Variants in LURAP1L observed in about 807,000 individuals in gnomAD.
LURAP1L encodes the protein leucine rich adaptor protein 1-like.
A neutral mutation model predicts 13.8 loss-of-function variants in LURAP1L; 12 were observed. That is an observed-to-expected ratio of 0.87 (90% CI 0.56 to 1.41). LURAP1L has a LOEUF of 1.41. LURAP1L is among the 40% of genes most tolerant of loss of function. The probability of loss-of-function intolerance (pLI) is 0.00; values close to 1 mark genes in which losing one functional copy is unlikely to be tolerated. For synonymous variants in LURAP1L, 139 were observed against 119.2 expected (o/e 1.17, Z -1.08); for missense variants, 375 against 292.9 (o/e 1.28, Z -2.04).
Position 12,783,843 on chromosome 9 carries a change from A to C in LURAP1L, c.312+7816A>C, listed in dbSNP as rs530602933. Among the ~76,000 whole-genome samples the C allele has an allele frequency of 2.2e-5, 3 of 136,748 alleles. No homozygotes were observed. In the South Asian group the frequency reaches 6.9e-4, roughly 31 times the overall value. 89.7% of individuals were successfully genotyped at this position (136,748 alleles called of 152,430 possible). A position where few individuals can be genotyped will look rare whatever the true frequency, so the allele number is the denominator to read the frequency against. ...GGTCCTGGGCTTTTTTTTTTTTTTT[A>C]ATAATTTTGCATGCTTCATTCTTTT... On this transcript the variant is annotated intron_variant, in intron 1 of 1. Transcript: ENST00000319264.
chr9:12,799,873 CAAAAAA>C (rs58987082), intron 1 of LURAP1L, among the ~76,000 whole-genome samples: 1 of 82,528 alleles, frequency 1.2e-5, no homozygotes, highest in South Asian at 5.2e-4. Context: ...GACTCCGTCT[CAAAAAA>C]AAAAAAAAAA....
intron 1 of LURAP1L, among the ~76,000 whole-genome samples, chr9:12,800,678 T>G (rs1819573301): frequency 6.6e-6 from 1 of 152,342 alleles, no homozygotes; most frequent in African/African-American, 2.4e-5. Context: ...AAATAATGTC[T>G]GTATGATAGT....
At chr9:12,777,164 A>G in intron 1 of LURAP1L, 3 of 788,620 alleles carry the variant, frequency 3.8e-6, no homozygotes, top group Non-Finnish European at 4.6e-6. Context: ...TTTAGTTATT[A>G]TAGAGTTCTA....
chr9:12,781,425 C>G (rs903930266), intron 1 of LURAP1L, among the ~76,000 whole-genome samples: 3 of 151,964 alleles, frequency 2.0e-5, no homozygotes, highest in African/African-American at 7.3e-5. Flanking sequence ...TTCCCAGCCT[C>G]TGGTAACCAT....
chr9:12,792,167 G>A (rs1341394344), intron 1 of LURAP1L, among the ~76,000 whole-genome samples: 1 of 152,050 alleles, frequency 6.6e-6, no homozygotes, highest in African/African-American at 2.4e-5. Context: ...ATAGTAGCTG[G>A]GAGGTTTGGG....
At chr9:12,796,710 G>A (rs1346179348) in intron 1 of LURAP1L, among the ~76,000 whole-genome samples, 2 of 151,826 alleles carry the variant, frequency 1.3e-5, no homozygotes, top group Non-Finnish European at 2.9e-5. Context: ...AAAAAAGAGT[G>A]CATAAATGCT....
chr9:12,820,778 A>G (rs16929625), intron 1 of LURAP1L, among the ~76,000 whole-genome samples: 3,146 of 152,234 alleles, frequency 0.021, 103 homozygotes, highest in African/African-American at 0.072. Context: ...TATAGTCATA[A>G]AGAATACAGG....
At chr9:12,799,583 A>T (rs1819556132) in intron 1 of LURAP1L, among the ~76,000 whole-genome samples, 3 of 152,192 alleles carry the variant, frequency 2.0e-5, no homozygotes, top group Admixed American at 2.0e-4. Context: ...AATGTGGAAG[A>T]CATTTTAAAA....
At chr9:12,786,230 T>C (rs1257292403) in intron 1 of LURAP1L, among the ~76,000 whole-genome samples, 1 of 151,976 alleles carries the variant, frequency 6.6e-6, no homozygotes, top group Non-Finnish European at 1.5e-5. Flanking sequence ...TCTTATCTAG[T>C]CAAATTTTAT....
At chr9:12,788,911 A>T (rs76668138) in intron 1 of LURAP1L, among the ~76,000 whole-genome samples, 7,863 of 150,294 alleles carry the variant, frequency 0.052, 712 homozygotes, top group African/African-American at 0.18. Context: ...ATATATATAT[A>T]TTTTTAATAA....
intron 1 of LURAP1L, among the ~76,000 whole-genome samples, chr9:12,779,089 T>A (rs1819231910): frequency 6.6e-6 from 1 of 152,002 alleles, no homozygotes; most frequent in Non-Finnish European, 1.5e-5. Context: ...TCTCTCATTC[T>A]CTCTCTCTCA....
intron 1 of LURAP1L, among the ~76,000 whole-genome samples, chr9:12,814,898 GAATCCTCT>G (rs1377663193): frequency 2.0e-4 from 30 of 152,184 alleles, no homozygotes; most frequent in Non-Finnish European, 1.6e-4. Flanking sequence ...ATGTGAAAGG[GAATCCTCT>G]GTTGCCCAGT....
At chr9:12,782,014 G>A (rs528295067) in intron 1 of LURAP1L, among the ~76,000 whole-genome samples, 1 of 152,172 alleles carries the variant, frequency 6.6e-6, no homozygotes, top group Non-Finnish European at 1.5e-5. Context: ...GATCAATTAT[G>A]TTGAGCACTT....
intron 1 of LURAP1L, among the ~76,000 whole-genome samples, chr9:12,818,600 C>T (rs929783177): frequency 5.3e-5 from 8 of 152,060 alleles, no homozygotes; most frequent in Admixed American, 2.6e-4. Flanking sequence ...GCTAACAGGA[C>T]GGTAGTGGTG....
At chr9:12,793,933 G>T (rs949883872) in intron 1 of LURAP1L, among the ~76,000 whole-genome samples, 1 of 152,050 alleles carries the variant, frequency 6.6e-6, no homozygotes, top group Non-Finnish European at 1.5e-5. Flanking sequence ...TCAAAAAATG[G>T]ATGCCGCTTT....
rs1187505365 is a variant in LURAP1L at position 12,775,222 on chromosome 9, C to T, written c.-494C>T. 2 of 152,932 alleles carry T rather than the reference C, an allele frequency of 1.3e-5. No homozygotes were observed. The highest frequency in any genetic ancestry group is 4.8e-5 in the African/African-American group (2 of 41,448). The allele number at this position is 152,932 out of a possible 1,614,324, so 9.5% of individuals were successfully genotyped here. A position where few individuals can be genotyped will look rare whatever the true frequency, so the allele number is the denominator to read the frequency against. On this transcript the variant is annotated 5_prime_UTR_variant, in exon 1 of 2. Coordinates refer to ENST00000319264, the MANE Select transcript of LURAP1L (RefSeq NM_203403.2). The stretch of plus-strand genomic sequence containing the variant: ...GGCATATGGCTGGAAAATGAAACGA[C>T]CCAGGACATCGTTTCTGGCTGCATC...
chr9:12,793,956 C>T (rs548253222), intron 1 of LURAP1L, among the ~76,000 whole-genome samples: 1 of 152,154 alleles, frequency 6.6e-6, no homozygotes, highest in South Asian at 2.1e-4. Context: ...GTGTTAGAGG[C>T]TTTTAAATAA....
chr9:12,784,453 A>G (rs757015147), intron 1 of LURAP1L, among the ~76,000 whole-genome samples: 3 of 152,184 alleles, frequency 2.0e-5, no homozygotes, highest in Non-Finnish European at 4.4e-5. Context: ...AGACTAACAG[A>G]GGTAGCACTT....
At chr9:12,814,893 A>G (rs1819783686) in intron 1 of LURAP1L, among the ~76,000 whole-genome samples, 1 of 152,202 alleles carries the variant, frequency 6.6e-6, no homozygotes, top group Non-Finnish European at 1.5e-5. Context: ...GACTGATGTG[A>G]AAGGGAATCC....
Sources: gnomAD v4.1 joint callset for allele counts (sites outside exome capture counted in the v4.1 genomes callset) on GRCh38, gnomAD v4.1.1 for gene constraint, MANE v1.5 for transcripts, NCBI Gene and HGNC (gene_info 2026-07-23, HGNC 2026-07-21) for gene names.